SCLT1: variants seen among roughly 807,000 people sequenced by gnomAD.
The protein encoded by SCLT1 is sodium channel and clathrin linker 1, also known as sodium channel-associated protein 1.
SCLT1 carries 78 observed loss-of-function variants against 112.8 expected under a neutral mutation model. That is an observed-to-expected ratio of 0.69 (90% confidence interval 0.58 to 0.83). SCLT1 has a LOEUF of 0.83. Ranked by LOEUF, SCLT1 falls within the 40% of genes least tolerant of loss-of-function variation. SCLT1 has a pLI of 0.00. For synonymous variants in SCLT1, 257 were observed against 254.7 expected, an observed-to-expected ratio of 1.01 and a Z score of -0.09; for missense variants, 747 against 770.4, an observed-to-expected ratio of 0.97 and a Z score of 0.36.
chr4:129,029,222 G>A (rs180732212), intron 5 of SCLT1, among the ~76,000 whole-genome samples: 18 of 152,112 alleles, frequency 1.2e-4, no homozygotes, highest in Non-Finnish European at 1.0e-4. Context: ...AAAGACACAC[G>A]CACATGTATG....
At chr4:129,044,517 C>A (rs548017570) in intron 2 of SCLT1, among the ~76,000 whole-genome samples, 158 of 149,842 alleles carry the variant, frequency 1.1e-3, no homozygotes, top group African/African-American at 2.8e-3. Flanking sequence ...AAAATGTAAT[C>A]AAAAAAAATC....
intron 17 of SCLT1, among the ~76,000 whole-genome samples, chr4:128,940,701 T>A (rs1489661305): frequency 1.3e-5 from 2 of 151,884 alleles, no homozygotes; most frequent in Non-Finnish European, 2.9e-5. Context: ...TATGTAGAAG[T>A]TAGAAGTATT....
intron 13 of SCLT1, among the ~76,000 whole-genome samples, chr4:128,954,316 AGT>A (rs1491232258): frequency 1.8e-5 from 2 of 113,840 alleles, no homozygotes; most frequent in African/African-American, 7.5e-5. Flanking sequence ...GGTCTATTTT[AGT>A]TTTTTTTTTT....
chr4:129,029,301 G>A (rs896652529), intron 5 of SCLT1, among the ~76,000 whole-genome samples: 9 of 152,004 alleles, frequency 5.9e-5, no homozygotes, highest in African/African-American at 1.7e-4. Context: ...TGATAGACTG[G>A]ATTAAGAAAA....
At chr4:128,981,023 T>C (rs1440717613) in intron 9 of SCLT1, among the ~76,000 whole-genome samples, 1 of 152,192 alleles carries the variant, frequency 6.6e-6, no homozygotes, top group Non-Finnish European at 1.5e-5. Context: ...ACTCAAAAAG[T>C]ATTTTTTTGA....
At chr4:129,027,208 A>G (rs1746189550) in intron 5 of SCLT1, among the ~76,000 whole-genome samples, 2 of 152,224 alleles carry the variant, frequency 1.3e-5, no homozygotes, top group South Asian at 4.1e-4. Context: ...TTATGAGGCC[A>G]GCATCATCCT....
chr4:129,044,973 T>C (rs1469453938), intron 2 of SCLT1, among the ~76,000 whole-genome samples: 2 of 151,904 alleles, frequency 1.3e-5, no homozygotes, highest in Non-Finnish European at 2.9e-5. Flanking sequence ...AGAAATAGAT[T>C]CAAGCATTTA....
At chr4:129,078,080 T>C (rs1387631063) in intron 2 of SCLT1, among the ~76,000 whole-genome samples, 1 of 152,288 alleles carries the variant, frequency 6.6e-6, no homozygotes, top group Non-Finnish European at 1.5e-5. Flanking sequence ...ACTAAAGAGA[T>C]AGGAATCAAG....
At chr4:129,049,399 T>C (rs1009857989) in intron 2 of SCLT1, among the ~76,000 whole-genome samples, 4 of 148,034 alleles carry the variant, frequency 2.7e-5, no homozygotes, top group African/African-American at 1.0e-4. Flanking sequence ...AAACACCGCA[T>C]GTTCTCACTC....
chr4:129,052,504 T>C (rs548854454), intron 2 of SCLT1, among the ~76,000 whole-genome samples: 31 of 152,132 alleles, frequency 2.0e-4, no homozygotes, highest in Admixed American at 1.7e-3. Context: ...TTTCAATTTT[T>C]TTTTTTGTAT....
Position 128,968,249 on chromosome 4 carries a change from G to C in SCLT1, c.777+2129C>G, listed in dbSNP as rs148873178. ...TTGTTCTACAGATTTCTGAGCTCTT[G>C]TTCATTTTTCTTCAATCTTTTAAAC... is the stretch of plus-strand genomic sequence containing the variant. On this transcript the variant is annotated intron_variant, in intron 10 of 20. Transcript: ENST00000281142. 1.5e-3 allele frequency among the ~76,000 whole-genome samples: 223 copies of C among 152,086 alleles called. 1 individual carries two copies. The highest frequency in any genetic ancestry group is 5.1e-3 in the African/African-American group (212 of 41,496).
chr4:128,982,869 G>A (rs1741781420), intron 9 of SCLT1, among the ~76,000 whole-genome samples: 1 of 151,876 alleles, frequency 6.6e-6, no homozygotes, highest in African/African-American at 2.4e-5. Flanking sequence ...AGGACCCCAT[G>A]CAAATGCTTT....
At chr4:128,967,656 T>C (rs1224364287) in intron 10 of SCLT1, among the ~76,000 whole-genome samples, 1 of 152,256 alleles carries the variant, frequency 6.6e-6, no homozygotes, top group Non-Finnish European at 1.5e-5. Flanking sequence ...TATCTTCTTT[T>C]GAAAAGTGTC....
chr4:128,983,775 C>T (rs1304149389), intron 9 of SCLT1, among the ~76,000 whole-genome samples: 1 of 152,156 alleles, frequency 6.6e-6, no homozygotes, highest in Admixed American at 6.5e-5. Flanking sequence ...TTTTGCACCA[C>T]ACTATCAGAC....
chr4:129,032,906 A>G (rs1046824170), intron 5 of SCLT1, among the ~76,000 whole-genome samples: 1 of 152,192 alleles, frequency 6.6e-6, no homozygotes, highest in Non-Finnish European at 1.5e-5. Context: ...TAGTTCAACC[A>G]TTGTGGAAGA....
At chr4:128,946,395 C>T (rs1353766282) in intron 15 of SCLT1, among the ~76,000 whole-genome samples, 1 of 151,676 alleles carries the variant, frequency 6.6e-6, no homozygotes, top group Admixed American at 6.6e-5. Context: ...ATAGCAAGAC[C>T]CTGTCATCTA....
intron 4 of SCLT1, chr4:128,875,103 AC>A (rs1321570154): frequency 6.6e-6 from 1 of 152,098 alleles, no homozygotes; most frequent in African/African-American, 2.4e-5. Flanking sequence ...ATTTATTTCT[AC>A]CCCCTTTTTG....
intron 2 of SCLT1, among the ~76,000 whole-genome samples, chr4:129,072,767 A>G (rs1456134347): frequency 6.6e-6 from 1 of 151,818 alleles, no homozygotes; most frequent in Non-Finnish European, 1.5e-5. Context: ...CTCCCTGATT[A>G]GCTTAATAAC....
At chr4:128,897,875 A>G (rs1274696725) in intron 18 of SCLT1, among the ~76,000 whole-genome samples, 2 of 152,194 alleles carry the variant, frequency 1.3e-5, no homozygotes, top group Non-Finnish European at 2.9e-5. Context: ...TTGCAATCCT[A>G]GTCTCTGATA....
Sources: allele counts gnomAD v4.1 joint callset (sites outside exome capture counted in the v4.1 genomes callset), GRCh38; gene constraint gnomAD v4.1.1; transcripts MANE v1.5; gene names NCBI Gene and HGNC (gene_info 2026-07-23, HGNC 2026-07-21).